The following AUTS2 variants were observed in gnomAD, a reference collection of about 807,000 sequenced individuals.
AUTS2 encodes autism susceptibility gene 2 protein.
Under a neutral mutation model 112.4 loss-of-function variants are expected in AUTS2, and 17 were observed. The ratio of observed to expected loss-of-function variants is 0.15; its 90% confidence interval spans 0.10 to 0.23. The LOEUF is 0.23. Among genes scored for constraint, AUTS2 ranks in the 10% least tolerant of loss-of-function variants. AUTS2 has a pLI of 1.00. For missense variants in AUTS2, 1,510 were observed against 1,701.6 expected, an observed-to-expected ratio of 0.89 and a Z score of 1.98; for synonymous variants, 751 against 702.7, an observed-to-expected ratio of 1.07 and a Z score of -1.09.
intron 5 of AUTS2, among the ~76,000 whole-genome samples, chr7:70,459,742 C>A (rs1195121218): frequency 6.6e-6 from 1 of 152,098 alleles, no homozygotes; most frequent in African/African-American, 2.4e-5. Context: ...AGGGGATGGG[C>A]CAGGGATTGG....
chr7:70,427,972 A>G (rs1795501692), intron 4 of AUTS2, among the ~76,000 whole-genome samples: 1 of 152,188 alleles, frequency 6.6e-6, no homozygotes, highest in Non-Finnish European at 1.5e-5. Context: ...ATTATTTTCA[A>G]ATGGGCTCAT....
At chr7:70,357,663 G>A (rs1276163217) in intron 4 of AUTS2, among the ~76,000 whole-genome samples, 1 of 152,186 alleles carries the variant, frequency 6.6e-6, no homozygotes, top group Non-Finnish European at 1.5e-5. Flanking sequence ...AAGTGTGGAA[G>A]GGAATGTCTA....
intron 5 of AUTS2, among the ~76,000 whole-genome samples, chr7:70,696,374 CCTTT>C (rs1585524476): frequency 6.6e-6 from 1 of 152,096 alleles, no homozygotes; most frequent in Non-Finnish European, 1.5e-5. Flanking sequence ...TCTGGGGAGG[CCTTT>C]CTGAGACACC....
chr7:69,906,822 T>G (rs796425547), intron 2 of AUTS2, among the ~76,000 whole-genome samples: 1 of 152,098 alleles, frequency 6.6e-6, no homozygotes, highest in Non-Finnish European at 1.5e-5. Flanking sequence ...CATACAGTTA[T>G]TGGTATGGGT....
chr7:70,311,011 T>TA (rs1451767945), intron 4 of AUTS2, among the ~76,000 whole-genome samples: 2 of 151,968 alleles, frequency 1.3e-5, no homozygotes, highest in East Asian at 1.9e-4. Flanking sequence ...GTCTCCAGTT[T>TA]AAAAAAAAGT....
chr7:70,530,168 A>G (rs1193480896), intron 5 of AUTS2, among the ~76,000 whole-genome samples: 5 of 152,180 alleles, frequency 3.3e-5, no homozygotes, highest in African/African-American at 9.6e-5. Context: ...GCTAGCTGCA[A>G]AATTCCAAGG....
chr7:69,599,000 G>C lies in AUTS2; in HGVS notation c.-654G>C, dbSNP rs1442383851. On this transcript the variant is annotated 5_prime_UTR_variant, in exon 1 of 19. Transcript: ENST00000342771. ...TGGGGGGTCTCGCCCCTCTTGGGTCGCTCCGGAGCCCCGGCCTCCCCTGGC... is the reference window on the plus strand; with the variant it reads ...TGGGGGGTCTCGCCCCTCTTGGGTCCCTCCGGAGCCCCGGCCTCCCCTGGC... 2.0e-5 allele frequency: 3 copies of C among 152,032 alleles called. No homozygotes were observed. The highest frequency in any genetic ancestry group is 4.4e-5 in the Non-Finnish European group (3 of 68,070). 9.4% of individuals were successfully genotyped at this position (152,032 alleles called of 1,614,324 possible). A position where few individuals can be genotyped will look rare whatever the true frequency, so the allele number is the denominator to read the frequency against.
chr7:69,717,929 C>T (rs930357348), intron 1 of AUTS2, among the ~76,000 whole-genome samples: 3 of 152,182 alleles, frequency 2.0e-5, no homozygotes, highest in African/African-American at 7.2e-5. Flanking sequence ...GAGAATCTTA[C>T]TGTCCCGGCC....
intron 6 of AUTS2, among the ~76,000 whole-genome samples, chr7:70,705,231 C>T (rs965649045): frequency 2.6e-5 from 4 of 152,146 alleles, no homozygotes; most frequent in Admixed American, 1.3e-4. Context: ...CAGAATTTGT[C>T]TCAATTACTC....
intron 2 of AUTS2, among the ~76,000 whole-genome samples, chr7:69,934,680 A>G (rs1168880053): frequency 6.6e-6 from 1 of 152,124 alleles, no homozygotes; most frequent in Non-Finnish European, 1.5e-5. Flanking sequence ...GCTGTGTAGT[A>G]GAGGAAGAAA....
intron 2 of AUTS2, among the ~76,000 whole-genome samples, chr7:70,083,369 C>A (rs566809702): frequency 2.6e-4 from 40 of 152,236 alleles, no homozygotes; most frequent in African/African-American, 9.1e-4. Context: ...GACAAGTTGC[C>A]TCTATCTACT....
At chr7:69,870,589 A>G (rs1793452797) in intron 1 of AUTS2, among the ~76,000 whole-genome samples, 1 of 151,440 alleles carries the variant, frequency 6.6e-6, no homozygotes, top group Non-Finnish European at 1.5e-5. Flanking sequence ...AGAAAAAAGT[A>G]CAACCCTAGA....
chr7:70,769,154 C>T (rs1451649688), intron 10 of AUTS2, among the ~76,000 whole-genome samples: 2 of 152,002 alleles, frequency 1.3e-5, no homozygotes, highest in South Asian at 2.1e-4. Flanking sequence ...TTAGAAATAA[C>T]GTAAGATGAA....
chr7:70,442,870 G>A (rs1796176387), intron 5 of AUTS2, among the ~76,000 whole-genome samples: 1 of 152,076 alleles, frequency 6.6e-6, no homozygotes, highest in African/African-American at 2.4e-5. Context: ...TTTTGTCTGG[G>A]TTAAAATGAC....
At chr7:69,900,666 T>C (rs1229721824) in intron 2 of AUTS2, among the ~76,000 whole-genome samples, 1 of 152,168 alleles carries the variant, frequency 6.6e-6, no homozygotes, top group Non-Finnish European at 1.5e-5. Flanking sequence ...AAAGCCTCAA[T>C]ATGATGTAGT....
intron 5 of AUTS2, among the ~76,000 whole-genome samples, chr7:70,686,634 G>T (rs1174851644): frequency 6.6e-6 from 1 of 151,848 alleles, no homozygotes; most frequent in African/African-American, 2.4e-5. Context: ...GGGTTCAAGC[G>T]ATTCTCCTGC....
chr7:70,332,753 C>T (rs190398438), intron 4 of AUTS2, among the ~76,000 whole-genome samples: 2 of 152,276 alleles, frequency 1.3e-5, no homozygotes, highest in African/African-American at 4.8e-5. Flanking sequence ...GGAAGACCTG[C>T]TAGCCATATG....
intron 5 of AUTS2, among the ~76,000 whole-genome samples, chr7:70,500,825 G>A (rs551739205): frequency 1.3e-5 from 2 of 151,990 alleles, no homozygotes; most frequent in Admixed American, 6.5e-5. Context: ...AGGTTCAAGC[G>A]ATTCTCCCGC....
intron 2 of AUTS2, among the ~76,000 whole-genome samples, chr7:69,973,144 T>C (rs1267204028): frequency 6.6e-6 from 1 of 152,192 alleles, no homozygotes; most frequent in Admixed American, 6.5e-5. Flanking sequence ...GTTTTCAGCA[T>C]ACAAGTCCTA....
Sources: allele counts gnomAD v4.1 joint callset (sites outside exome capture counted in the v4.1 genomes callset), GRCh38; gene constraint gnomAD v4.1.1; transcripts MANE v1.5; gene names NCBI Gene and HGNC (gene_info 2026-07-23, HGNC 2026-07-21).